The following TSNAXIP1 variants were observed in gnomAD, a reference collection of about 807,000 sequenced individuals.
TSNAXIP1 encodes translin associated factor X interacting protein 1.
Under a neutral mutation model 84.8 loss-of-function variants are expected in TSNAXIP1, and 89 were observed. The ratio of observed to expected loss-of-function variants is 1.05; its 90% CI spans 0.88 to 1.25. The LOEUF (loss-of-function observed/expected upper bound fraction) is 1.25, where lower values mean the gene tolerates loss of function less well. Ranked by LOEUF, TSNAXIP1 falls within the 50% of genes most tolerant of loss-of-function variation. TSNAXIP1 has a pLI of 0.00. For missense variants in TSNAXIP1, 874 were observed against 887.6 expected, an observed-to-expected ratio of 0.98 and a Z score of 0.20; for synonymous variants, 347 against 335.2, an observed-to-expected ratio of 1.04 and a Z score of -0.39.
intron 2 of TSNAXIP1, among the ~76,000 whole-genome samples, chr16:67,819,815 ATTTT>A (rs1162375778): frequency 4.9e-5 from 5 of 102,660 alleles, no homozygotes; most frequent in Non-Finnish European, 5.8e-5. Context: ...ACCTGGCTAA[ATTTT>A]TTTTTTTTTT....
intron 1 of TSNAXIP1, among the ~76,000 whole-genome samples, chr16:67,811,394 C>A (rs1321435692): frequency 6.6e-6 from 1 of 150,470 alleles, no homozygotes; most frequent in African/African-American, 2.5e-5. Context: ...TTTCCTGGTG[C>A]TTCCAGCATG....
At chr16:67,822,459 C>T (rs2057138296) in intron 4 of TSNAXIP1, among the ~76,000 whole-genome samples, 1 of 151,912 alleles carries the variant, frequency 6.6e-6, no homozygotes, top group Non-Finnish European at 1.5e-5. Context: ...TGAACGTAGC[C>T]TGAATGCTGG....
intron 12 of TSNAXIP1, 38 bp downstream of exon 12, chr16:67,826,882 G>C: frequency 4.3e-6 from 7 of 1,611,692 alleles, no homozygotes; most frequent in Non-Finnish European, 5.9e-6. Context: ...AGACTGAGAG[G>C]GGTCTTTGTC....
Position 67,826,719 on chromosome 16 carries a change from A to C in TSNAXIP1, c.1429A>C (p.Asn477His). ...QKETFPDFFF[N>H]FLEHRFGPSD... ...AGAGACGTTCCCAGATTTCTTCTTCAATTTCCTGGAGCATCGCTTTGGGCC... is the reference window on the plus strand; with the variant it reads ...AGAGACGTTCCCAGATTTCTTCTTCCATTTCCTGGAGCATCGCTTTGGGCC... The change falls in exon 12 of 16, where the codon AAT becomes CAT. Residue 477 changes from asparagine (N) to histidine (H), a missense_variant. Asn to His is a moderately conservative substitution (Grantham distance 68). Coordinates refer to ENST00000561639, the MANE Select transcript of TSNAXIP1 (RefSeq NM_001288990.3). 1 of 1,613,696 alleles carries C rather than the reference A, an allele frequency of 6.2e-7. No homozygotes were observed. Among genetic ancestry groups the C allele is most frequent in the South Asian group, 1.1e-5 (1 of 91,046 alleles).
Position 67,827,752 on chromosome 16 carries a change from G to A in TSNAXIP1, c.1899-1G>A, listed in dbSNP as rs752078095. The A allele has an allele frequency of 5.0e-6, 8 of 1,613,934 alleles. No individual in the cohort carries two copies. In the East Asian group the frequency reaches 1.3e-4, roughly 27 times the overall value. Reference sequence around the variant, plus strand: ...CTGTCACTCTCTTTCCTGTGGGGCAGCCATGAGGAAGTGACTCTGCCCAAG... The same window carrying A: ...CTGTCACTCTCTTTCCTGTGGGGCAACCATGAGGAAGTGACTCTGCCCAAG... On this transcript the variant is annotated splice_acceptor_variant, in intron 15 of 15. Coordinates refer to ENST00000561639, the MANE Select transcript of TSNAXIP1 (RefSeq NM_001288990.3). LOFTEE classifies it high-confidence loss of function.
Position 67,826,234 on chromosome 16 carries a change from A to T in TSNAXIP1, c.1227A>T (p.Glu409Asp). The change falls in exon 10 of 16, where the codon GAA (glutamate) becomes GAT (aspartate). Residue 409 changes from glutamate (E) to aspartate (D), a missense_variant. Transcript: ENST00000561639. The part of the protein sequence containing the change: ...NSDQLVDVLL[E>D]EIGSGLLREK... The stretch of plus-strand genomic sequence containing the variant: ...ACCAGCTGGTGGACGTGCTCCTGGA[A>T]GAGATTGGTTCGGGGCTGCTGCGGG... 4 of 1,599,920 alleles carry T rather than the reference A, an allele frequency of 2.5e-6. No homozygotes were observed. Among genetic ancestry groups the T allele is most frequent in the Non-Finnish European group, 3.4e-6 (4 of 1,171,902 alleles).
In TSNAXIP1 at chr16:67,821,220, C is replaced by T; in HGVS notation, c.382C>T (p.Leu128=). 1 of 1,515,224 alleles carries T rather than the reference C, an allele frequency of 6.6e-7. No individual in the cohort carries two copies. The highest frequency in any genetic ancestry group is 8.9e-7 in the Non-Finnish European group (1 of 1,120,248). The allele number at this position is 1,515,224 out of a possible 1,614,324, so 93.9% of individuals were successfully genotyped here. The change falls in exon 4 of 16, where the codon CTG becomes TTG. Residue 128 remains leucine, a synonymous_variant. Coordinates refer to ENST00000561639, the MANE Select transcript of TSNAXIP1 (RefSeq NM_001288990.3). ...CACAGATTCCACCCAGGAACTAAGG[C>T]TGCAGGTCAGAGCCACAGAAGAAAC... ...LGTDSTQELR[L]QPYREIFEFF... is the part of the protein sequence containing the mutation.
chr16:67,811,162 A>G (rs2056040450), intron 1 of TSNAXIP1, among the ~76,000 whole-genome samples: 1 of 151,718 alleles, frequency 6.6e-6, no homozygotes, highest in Non-Finnish European at 1.5e-5. Context: ...TCGGCCTCCC[A>G]AAGTGCTGGG....
rs2056177913 is a variant in TSNAXIP1, at chr16:67,812,493, C to T, written c.48-1809C>T. Among the ~76,000 whole-genome samples, 5 of 148,862 alleles carry T rather than the reference C, an allele frequency of 3.4e-5. No homozygotes were observed. In the Admixed American group the frequency reaches 3.4e-4, roughly 10 times the overall value. On this transcript the variant is annotated intron_variant, in intron 1 of 15. Coordinates refer to ENST00000561639, the MANE Select transcript of TSNAXIP1 (RefSeq NM_001288990.3). ...CCATCCTGGCCAACATGGTGAAACT[C>T]TATCTCTACTAAAAATACAAAAATT...
rs767007632 is a variant in TSNAXIP1, at chr16:67,825,950, C to T, written c.1018C>T (p.Arg340Cys). ...CCTGAGAGCCAGCTACGAGGAGGTT[C>T]GCAAGGAGCATGAGATCCTCATGCA... ...DTLRASYEEVRKEHEILMQLH... is the reference protein window; with the variant it reads ...DTLRASYEEVCKEHEILMQLH... The change falls in exon 9 of 16, where the codon CGC becomes TGC. Residue 340 changes from arginine (R) to cysteine (C), a missense_variant. Coordinates refer to ENST00000561639, the MANE Select transcript of TSNAXIP1 (RefSeq NM_001288990.3). 2.1e-5 allele frequency: 34 copies of T among 1,613,934 alleles called. No individual in the cohort carries two copies. Among genetic ancestry groups the T allele is most frequent in the Admixed American group, 2.0e-4 (12 of 59,984 alleles).
chr16:67,824,432 G>A, intron 5 of TSNAXIP1, 151 bp from the exon 6 acceptor site: 1 of 705,150 alleles, frequency 1.4e-6, no homozygotes, highest in Non-Finnish European at 2.4e-6. Context: ...AGTGCAGGAA[G>A]GCCTGAAACA....
Position 67,825,942 on chromosome 16 carries a change from A to G in TSNAXIP1, c.1010A>G (p.Glu337Gly). Residue 337 changes from glutamate to glycine, a missense_variant, in exon 9 of 16, where the codon GAG becomes GGG. By Grantham distance (98) the Glu-to-Gly change is moderately conservative (BLOSUM62 -2). Transcript: ENST00000561639. Reference sequence around the variant, plus strand: ...CTGGACACCCTGAGAGCCAGCTACGAGGAGGTTCGCAAGGAGCATGAGATC... The same window carrying G: ...CTGGACACCCTGAGAGCCAGCTACGGGGAGGTTCGCAAGGAGCATGAGATC... ...EQLDTLRASY[E>G]EVRKEHEILM... The G allele has an allele frequency of 6.2e-7, 1 of 1,614,008 alleles. No homozygotes were observed.
At chr16:67,821,071 G>T in intron 3 of TSNAXIP1, 28 bp from the exon 4 acceptor site, 1 of 1,612,848 alleles carries the variant, frequency 6.2e-7, no homozygotes. Context: ...GGGGGTGCTG[G>T]CCACATATCA....
chr16:67,809,864 G>T (rs1026907053), intron 1 of TSNAXIP1, among the ~76,000 whole-genome samples: 1 of 151,588 alleles, frequency 6.6e-6, no homozygotes, highest in African/African-American at 2.4e-5. Flanking sequence ...CAGGAGAATC[G>T]CTTGAACCTG....
chr16:67,811,427 T>C lies in TSNAXIP1; in HGVS notation c.48-2875T>C, dbSNP rs181198502. On this transcript the variant is annotated intron_variant, in intron 1 of 15. Coordinates refer to ENST00000561639, the MANE Select transcript of TSNAXIP1 (RefSeq NM_001288990.3). Reference sequence around the variant, plus strand: ...ATGAGCAAGAACAGAGTTTGGAGAATTGATTAGTCTTTTTTTTTTTTTTTT... The same window carrying C: ...ATGAGCAAGAACAGAGTTTGGAGAACTGATTAGTCTTTTTTTTTTTTTTTT... 6.6e-3 allele frequency among the ~76,000 whole-genome samples: 988 copies of C among 149,572 alleles called. 14 individuals are homozygous for C. Among genetic ancestry groups the C allele is most frequent in the African/African-American group, 0.023 (936 of 39,876 alleles).
chr16:67,819,943 A>C (rs747514410), intron 2 of TSNAXIP1, among the ~76,000 whole-genome samples: 1 of 150,166 alleles, frequency 6.7e-6, no homozygotes, highest in East Asian at 2.0e-4. Context: ...CTCAGCCTCC[A>C]GAGTAGCTGG....
rs142626851 is a variant in TSNAXIP1 at position 67,808,185 on chromosome 16, C to A, written c.47+989C>A. 3.4e-4 allele frequency among the ~76,000 whole-genome samples: 52 copies of A among 152,040 alleles called. No individual in the cohort carries two copies. The East Asian group carries it at 8.3e-3, about 24-fold the overall frequency. ...AGTGTTGAATGAATGTAGTGTCCCC[C>A]CTTCTACTCATTCCCAGTGGGGGAA... is the stretch of plus-strand genomic sequence containing the variant. On this transcript the variant is annotated intron_variant, in intron 1 of 15. Transcript: ENST00000561639.
At chr16:67,810,961 T>A in intron 1 of TSNAXIP1, among the ~76,000 whole-genome samples, 1 of 151,716 alleles carries the variant, frequency 6.6e-6, no homozygotes, top group Non-Finnish European at 1.5e-5. Context: ...ATGGTCTCGA[T>A]CTCCTGACCT....
chr16:67,817,446 A>AAGGACTGGTC (rs2056665971), intron 2 of TSNAXIP1, among the ~76,000 whole-genome samples: 1 of 138,644 alleles, frequency 7.2e-6, no homozygotes. Flanking sequence ...GCGCCCGGCC[A>AAGGACTGGTC]TTTTTTGCGT....
Sources: gnomAD v4.1 joint callset for allele counts (sites outside exome capture counted in the v4.1 genomes callset) on GRCh38, gnomAD v4.1.1 for gene constraint, MANE v1.5 for transcripts, NCBI Gene and HGNC (gene_info 2026-07-23, HGNC 2026-07-21) for gene names.